MSRB3: variants seen among roughly 807,000 people sequenced by gnomAD.
MSRB3 encodes methionine sulfoxide reductase B3, also known as methionine-R-sulfoxide reductase B3.
MSRB3 carries 13 observed loss-of-function variants against 21.0 expected under a neutral mutation model. That is an observed-to-expected ratio of 0.62 (90% CI 0.40 to 0.98). MSRB3 has a LOEUF of 0.98. MSRB3 is among the 50% of genes least tolerant of loss of function. The probability of loss-of-function intolerance (pLI) is 0.00; values close to 1 mark genes in which losing one functional copy is unlikely to be tolerated. For missense variants in MSRB3, 199 were observed against 230.3 expected (o/e 0.86, Z 0.88); for synonymous variants, 87 against 88.6 (o/e 0.98, Z 0.10).
intron 3 of MSRB3, 35 bp downstream of exon 3, chr12:65,326,969 T>C (rs756119473): frequency 1.3e-6 from 2 of 1,512,828 alleles, no homozygotes; most frequent in Admixed American, 3.5e-5. Context: ...CATTAAGAGC[T>C]AGATTTCTTC....
intron 5 of MSRB3, among the ~76,000 whole-genome samples, chr12:65,380,206 C>A (rs1329372486): frequency 6.6e-6 from 1 of 152,044 alleles, no homozygotes; most frequent in Non-Finnish European, 1.5e-5. Flanking sequence ...TAGAGGGCCC[C>A]TTAAGGTCAG....
intron 5 of MSRB3, among the ~76,000 whole-genome samples, chr12:65,443,092 A>C (rs1409708895): frequency 6.6e-6 from 1 of 152,128 alleles, no homozygotes; most frequent in African/African-American, 2.4e-5. Context: ...TTGAGATTGC[A>C]AGAAAACTGT....
intron 4 of MSRB3, among the ~76,000 whole-genome samples, chr12:65,358,284 A>AT (rs1477399536): frequency 6.6e-6 from 1 of 151,322 alleles, no homozygotes; most frequent in Admixed American, 6.6e-5. Context: ...TGCCCAGCTA[A>AT]TTTTTTATTT....
chr12:65,450,008 A>G (rs1882786193), intron 5 of MSRB3, among the ~76,000 whole-genome samples: 1 of 152,156 alleles, frequency 6.6e-6, no homozygotes, highest in African/African-American at 2.4e-5. Flanking sequence ...ACAGAATACT[A>G]CTTGTGGAGA....
chr12:65,325,573 A>G (rs1471310110), intron 2 of MSRB3, among the ~76,000 whole-genome samples: 1 of 152,138 alleles, frequency 6.6e-6, no homozygotes, highest in African/African-American at 2.4e-5. Context: ...CCGGCTAGAC[A>G]ATATTTTCCT....
intron 5 of MSRB3, among the ~76,000 whole-genome samples, chr12:65,370,063 A>T (rs1378664746): frequency 6.6e-6 from 1 of 152,142 alleles, no homozygotes; most frequent in Non-Finnish European, 1.5e-5. Flanking sequence ...TATACATTTG[A>T]GTTAACAAAT....
chr12:65,298,519 A>G (rs999842497), intron 1 of MSRB3, among the ~76,000 whole-genome samples: 2 of 152,222 alleles, frequency 1.3e-5, no homozygotes, highest in African/African-American at 2.4e-5. Context: ...CTTCTACTTT[A>G]TGATCTCATT....
In MSRB3 at chr12:65,278,737, TCGGA is replaced by T. The variant is rs745989845; in HGVS notation, c.-178_-175del. 7.7e-6 allele frequency: 12 copies of T among 1,564,992 alleles called. No individual in the cohort carries two copies. The highest frequency in any genetic ancestry group is 1.0e-5 in the Non-Finnish European group (12 of 1,156,056). ...GAGCCGGGGAGGGAGGGAGCGAGGT[TCGGA>T]CACCGGCGGCGGCTGCCTGGCCTTT... On this transcript the variant is annotated 5_prime_UTR_variant, in exon 1 of 7. It removes the in-frame stop codon of an upstream open reading frame in the 5' UTR. Coordinates refer to ENST00000308259, the MANE Select transcript of MSRB3 (RefSeq NM_001031679.3).
chr12:65,345,180 T>C (rs1197778519), intron 4 of MSRB3, among the ~76,000 whole-genome samples: 10 of 152,074 alleles, frequency 6.6e-5, no homozygotes, highest in Admixed American at 6.6e-4. Context: ...TTTGGAAGCC[T>C]GATAGATTTG....
chr12:65,366,182 T>C (rs752235916), intron 4 of MSRB3, among the ~76,000 whole-genome samples: 30 of 152,152 alleles, frequency 2.0e-4, no homozygotes, highest in Non-Finnish European at 2.8e-4. Flanking sequence ...GAAGAAGTAT[T>C]GAGACAGGGG....
At chr12:65,294,060 C>G (rs1331504725) in intron 1 of MSRB3, among the ~76,000 whole-genome samples, 1 of 152,122 alleles carries the variant, frequency 6.6e-6, no homozygotes, top group African/African-American at 2.4e-5. Context: ...GAGTGCTATC[C>G]AGGAATTCCA....
At chr12:65,296,752 A>C (rs919702360) in intron 1 of MSRB3, among the ~76,000 whole-genome samples, 12 of 152,224 alleles carry the variant, frequency 7.9e-5, no homozygotes, top group South Asian at 6.2e-4. Context: ...ATTTTACAGA[A>C]GTGAAAGACC....
At position 65,328,513 on chromosome 12, in the gene MSRB3, GTTTA is replaced by G; in HGVS notation, c.186-7_186-4del. The stretch of plus-strand genomic sequence containing the variant: ...CTAACTTTAATTTTTTAAATGATCT[GTTTA>G]TTTATCAGTGCCTTTGAAGGAGAAT... On this transcript the variant is annotated splice_polypyrimidine_tract_variant and intron_variant, in intron 3 of 6. Transcript: ENST00000308259. 1.9e-6 allele frequency: 3 copies of G among 1,573,648 alleles called. No individual in the cohort carries two copies. The highest frequency in any genetic ancestry group is 2.6e-6 in the Non-Finnish European group (3 of 1,143,852).
At chr12:65,313,024 A>G (rs1368898190) in intron 2 of MSRB3, among the ~76,000 whole-genome samples, 1 of 152,142 alleles carries the variant, frequency 6.6e-6, no homozygotes, top group African/African-American at 2.4e-5. Context: ...ATCACATTGT[A>G]GCTAAACAAA....
chr12:65,445,406 C>A (rs1471091342), intron 5 of MSRB3, among the ~76,000 whole-genome samples: 1 of 149,580 alleles, frequency 6.7e-6, no homozygotes, highest in African/African-American at 2.5e-5. Flanking sequence ...AGGTGGCCCC[C>A]AATCATCATT....
At chr12:65,439,050 A>G (rs958222407) in intron 5 of MSRB3, among the ~76,000 whole-genome samples, 3 of 151,912 alleles carry the variant, frequency 2.0e-5, no homozygotes, top group African/African-American at 7.2e-5. Flanking sequence ...GTTATTTGCT[A>G]CTTACAAGAA....
At chr12:65,448,489 C>T (rs1485636698) in intron 5 of MSRB3, among the ~76,000 whole-genome samples, 1 of 152,078 alleles carries the variant, frequency 6.6e-6, no homozygotes, top group African/African-American at 2.4e-5. Context: ...AGTACTAAAT[C>T]TTAATCTTTC....
At chr12:65,307,280 A>G (rs963272322) in intron 1 of MSRB3, among the ~76,000 whole-genome samples, 2 of 152,164 alleles carry the variant, frequency 1.3e-5, no homozygotes, top group African/African-American at 4.8e-5. Context: ...GTCTGCAGTT[A>G]GTAACACAAA....
chr12:65,364,741 A>G (rs1263336267), intron 4 of MSRB3, among the ~76,000 whole-genome samples: 4 of 152,184 alleles, frequency 2.6e-5, no homozygotes, highest in Admixed American at 2.0e-4. Flanking sequence ...AGTATGTTAG[A>G]GGAGTACTTT....
Sources: gnomAD v4.1 joint callset for allele counts (sites outside exome capture counted in the v4.1 genomes callset) on GRCh38, gnomAD v4.1.1 for gene constraint, MANE v1.5 for transcripts, NCBI Gene and HGNC (gene_info 2026-07-23, HGNC 2026-07-21) for gene names.